Variants in FAM193A observed in about 807,000 individuals in gnomAD.
FAM193A encodes the protein protein FAM193A.
A neutral mutation model predicts 126.5 loss-of-function variants in FAM193A; 22 were observed. The ratio of observed to expected loss-of-function variants is 0.17; its 90% CI spans 0.12 to 0.25. The LOEUF (loss-of-function observed/expected upper bound fraction) is 0.25. Ranked by LOEUF, FAM193A falls within the 10% of genes least tolerant of loss-of-function variation. The pLI is 1.00. For missense variants in FAM193A, 1,675 were observed against 1,672.8 expected (o/e 1.00, Z -0.02); for synonymous variants, 761 against 646.8 (o/e 1.18, Z -2.68).
At chr4:2,724,349 C>G (rs1315460494) in intron 20 of FAM193A, among the ~76,000 whole-genome samples, 1 of 152,138 alleles carries the variant, frequency 6.6e-6, no homozygotes, top group Non-Finnish European at 1.5e-5. Context: ...GTCAAAATCA[C>G]TTTTTCCTTT....
At chr4:2,551,503 T>G (rs1737919118) in intron 1 of FAM193A, among the ~76,000 whole-genome samples, 1 of 152,224 alleles carries the variant, frequency 6.6e-6, no homozygotes, top group African/African-American at 2.4e-5. Context: ...TTTCTCTATG[T>G]TAGTATCTGA....
intron 13 of FAM193A, among the ~76,000 whole-genome samples, chr4:2,687,863 A>G (rs963425849): frequency 6.6e-6 from 1 of 151,976 alleles, no homozygotes; most frequent in Non-Finnish European, 1.5e-5. Context: ...CCCACACTCA[A>G]CCTGGAGCCT....
chr4:2,650,996 C>T (rs1745609273), intron 7 of FAM193A, among the ~76,000 whole-genome samples: 1 of 152,090 alleles, frequency 6.6e-6, no homozygotes, highest in Non-Finnish European at 1.5e-5. Context: ...GGCATCAGAC[C>T]TGGAGGGGTG....
intron 5 of FAM193A, among the ~76,000 whole-genome samples, chr4:2,635,785 G>A (rs1268676001): frequency 3.9e-5 from 6 of 152,096 alleles, no homozygotes; most frequent in East Asian, 1.9e-4. Flanking sequence ...TGATCTGCCC[G>A]CCTCGGCCTC....
intron 13 of FAM193A, among the ~76,000 whole-genome samples, chr4:2,681,065 C>G (rs1465362392): frequency 6.6e-6 from 1 of 152,188 alleles, no homozygotes; most frequent in Non-Finnish European, 1.5e-5. Context: ...TCATAGCTCA[C>G]TGGAGCCTCG....
intron 19 of FAM193A, among the ~76,000 whole-genome samples, chr4:2,713,026 A>AC (rs560280004): frequency 2.4e-4 from 36 of 150,166 alleles, no homozygotes; most frequent in African/African-American, 8.6e-4. Context: ...AATTGCTTGA[A>AC]CCTGGGAGGT....
At position 2,646,734 on chromosome 4, in the gene FAM193A, T is replaced by G. The variant is rs937204328; in HGVS notation, c.1213T>G (p.Leu405Val). Residue 405 changes from leucine to valine, a missense_variant, in exon 7 of 21, where the codon TTG becomes GTG. Physicochemically the swap from Leu to Val is conservative, Grantham distance 32. Coordinates refer to ENST00000637812, the MANE Select transcript of FAM193A (RefSeq NM_001366318.2). ...DTCSEDTYST[L>V]LQRYQRSEEE... ...CTGCAGTGAGGACACATACAGTACC[T>G]TGCTGCAGAGGTACCAGCGTTCCGA... The G allele has an allele frequency of 2.5e-6, 4 of 1,613,982 alleles. No individual in the cohort carries two copies. The highest frequency in any genetic ancestry group is 3.4e-6 in the Non-Finnish European group (4 of 1,179,976).
At chr4:2,664,547 CTA>C (rs1712867507) in intron 12 of FAM193A, among the ~76,000 whole-genome samples, 2 of 117,604 alleles carry the variant, frequency 1.7e-5, no homozygotes, top group Admixed American at 8.4e-5. Context: ...TTCTCTCTCT[CTA>C]TTTTCTTTCT....
At chr4:2,635,367 T>G (rs1743988029) in intron 5 of FAM193A, among the ~76,000 whole-genome samples, 1 of 152,202 alleles carries the variant, frequency 6.6e-6, no homozygotes, top group Admixed American at 6.5e-5. Flanking sequence ...CAGACTTACA[T>G]CAGTACTTGC....
At chr4:2,584,201 G>A (rs1740104624) in intron 1 of FAM193A, among the ~76,000 whole-genome samples, 1 of 152,070 alleles carries the variant, frequency 6.6e-6, no homozygotes, top group African/African-American at 2.4e-5. Flanking sequence ...ACCATTTATT[G>A]AGAGATCTCT....
chr4:2,624,641 T>C (rs1742778798), intron 2 of FAM193A, among the ~76,000 whole-genome samples: 1 of 152,224 alleles, frequency 6.6e-6, no homozygotes, highest in Admixed American at 6.5e-5. Context: ...TCATTGTGTG[T>C]GCTGATTAGG....
chr4:2,627,782 G>A (rs1302195659), intron 4 of FAM193A, among the ~76,000 whole-genome samples: 1 of 147,666 alleles, frequency 6.8e-6, no homozygotes, highest in Non-Finnish European at 1.5e-5. Context: ...TCGCTCTGTC[G>A]CCCAGGCTGG....
Position 2,562,983 on chromosome 4 carries a change from C to T in FAM193A, c.255+25813C>T, listed in dbSNP as rs148252247. Among the ~76,000 whole-genome samples, 430 of 149,082 alleles carry T rather than the reference C, an allele frequency of 2.9e-3. 1 individual carries two copies. Among genetic ancestry groups the T allele is most frequent in the African/African-American group, 8.0e-3 (323 of 40,364 alleles). On this transcript the variant is annotated intron_variant, in intron 1 of 20. Coordinates refer to ENST00000637812, the MANE Select transcript of FAM193A (RefSeq NM_001366318.2). Reference sequence around the variant, plus strand: ...TTTTTGAGACGGAGTCTTGCTCTCTCGCCCAGGCTGGAGTGCAGTGGTGCA... The same window carrying T: ...TTTTTGAGACGGAGTCTTGCTCTCTTGCCCAGGCTGGAGTGCAGTGGTGCA...
intron 2 of FAM193A, among the ~76,000 whole-genome samples, chr4:2,612,786 A>G (rs1292071401): frequency 6.6e-6 from 1 of 152,196 alleles, no homozygotes; most frequent in Non-Finnish European, 1.5e-5. Flanking sequence ...ATATATTCCT[A>G]TTCCTTTGCC....
intron 1 of FAM193A, among the ~76,000 whole-genome samples, chr4:2,591,623 A>C (rs539517733): frequency 5.3e-5 from 8 of 152,240 alleles, no homozygotes; most frequent in African/African-American, 1.9e-4. Flanking sequence ...TTACCCTAAG[A>C]TGACCTTTTT....
chr4:2,715,051 G>T (rs1438087838), intron 19 of FAM193A, among the ~76,000 whole-genome samples: 1 of 152,246 alleles, frequency 6.6e-6, no homozygotes, highest in Non-Finnish European at 1.5e-5. Flanking sequence ...AAACTTGCCT[G>T]AGAGTCTAGG....
chr4:2,537,566 C>T (rs1484602508), intron 1 of FAM193A, among the ~76,000 whole-genome samples: 1 of 152,258 alleles, frequency 6.6e-6, no homozygotes, highest in Non-Finnish European at 1.5e-5. Flanking sequence ...GAGGCCCGGG[C>T]TTCTGTCGTG....
At chr4:2,596,035 G>C (rs563353952) in intron 1 of FAM193A, 49 bp from the exon 2 acceptor site, 1 of 663,960 alleles carries the variant, frequency 1.5e-6, no homozygotes, top group African/African-American at 1.8e-5. Flanking sequence ...TAATATTCTT[G>C]GCTTTGTAGA....
intron 2 of FAM193A, among the ~76,000 whole-genome samples, chr4:2,598,787 G>A (rs1741019551): frequency 6.6e-6 from 1 of 152,214 alleles, no homozygotes; most frequent in South Asian, 2.1e-4. Context: ...GCTGTCTCTA[G>A]CACTGTGCGT....
Sources: allele counts gnomAD v4.1 joint callset (sites outside exome capture counted in the v4.1 genomes callset), GRCh38; gene constraint gnomAD v4.1.1; transcripts MANE v1.5; gene names NCBI Gene and HGNC (gene_info 2026-07-23, HGNC 2026-07-21).